NEMF: variants seen among roughly 807,000 people sequenced by gnomAD.
NEMF encodes ribosome quality control complex subunit NEMF.
In NEMF, 89 loss-of-function variants were observed where a neutral mutation model predicts 162.2. The ratio of observed to expected loss-of-function variants is 0.55; its 90% CI spans 0.46 to 0.65. The LOEUF is 0.65. NEMF is among the 30% of genes least tolerant of loss of function. The probability of loss-of-function intolerance (pLI) is 0.00; values close to 1 mark genes in which losing one functional copy is unlikely to be tolerated. For missense variants in NEMF, 1,133 were observed against 1,261.9 expected (o/e 0.90, Z 1.55); for synonymous variants, 421 against 404.5 (o/e 1.04, Z -0.49).
rs1890056736 is a variant in NEMF at position 49,784,309 on chromosome 14, A to G, written c.*327T>C. On this transcript the variant is annotated 3_prime_UTR_variant, in exon 33 of 33. Transcript: ENST00000298310. Reference sequence around the variant, plus strand: ...ACCAAGTCAATAGTTTAAGCAATCAAGCCACTTCACTGTTCAGTTTCTTTA... The same window carrying G: ...ACCAAGTCAATAGTTTAAGCAATCAGGCCACTTCACTGTTCAGTTTCTTTA... The G allele has an allele frequency of 3.0e-5, 6 of 198,694 alleles. No individual in the cohort carries two copies. In the South Asian group the frequency reaches 7.8e-4, roughly 26 times the overall value. 12.3% of individuals were successfully genotyped at this position (198,694 alleles called of 1,614,324 possible). A position where few individuals can be genotyped will look rare whatever the true frequency, so the allele number is the denominator to read the frequency against.
At chr14:49,834,632 A>G (rs1223991749) in intron 6 of NEMF, among the ~76,000 whole-genome samples, 183 bp from the exon 7 acceptor site, 3 of 151,960 alleles carry the variant, frequency 2.0e-5, no homozygotes, top group African/African-American at 7.2e-5. Context: ...ACAAGCACCC[A>G]CCACCATGCC....
chr14:49,820,167 G>A (rs1049805383), intron 16 of NEMF: 1 of 259,468 alleles, frequency 3.9e-6, no homozygotes, highest in Admixed American at 5.3e-5. Context: ...GGCCAGGCTG[G>A]TCTCAAACTC....
chr14:49,843,839 C>T (rs1246792899), intron 4 of NEMF, among the ~76,000 whole-genome samples: 3 of 152,208 alleles, frequency 2.0e-5, no homozygotes, highest in Admixed American at 6.5e-5. Context: ...TGGCTCATGC[C>T]TGTGATCCCA....
At chr14:49,828,557 T>C (rs552235817) in intron 14 of NEMF, 59 bp downstream of exon 14, 1 of 1,352,484 alleles carries the variant, frequency 7.4e-7, no homozygotes, top group African/African-American at 1.5e-5. Flanking sequence ...AAAATGTCCT[T>C]AATTCCTTAA....
At chr14:49,852,256 C>T (rs1024404145) in intron 1 of NEMF, among the ~76,000 whole-genome samples, 8 of 152,222 alleles carry the variant, frequency 5.3e-5, no homozygotes, top group Non-Finnish European at 7.3e-5. Context: ...GAATCCAGAT[C>T]TCAGTCCAAA....
At position 49,838,869 on chromosome 14, in the gene NEMF, A is replaced by G. The variant is rs145896910; in HGVS notation, c.507-663T>C. 7.0e-3 allele frequency among the ~76,000 whole-genome samples: 1,056 copies of G among 151,344 alleles called. 12 individuals carry two copies. The highest frequency in any genetic ancestry group is 0.015 in the Admixed American group (227 of 15,196). On this transcript the variant is annotated intron_variant, in intron 5 of 32. Transcript: ENST00000298310. ...AAAGCGGTGGGATTACAGGCGTGAGACACCGTGCCCAGCCAGCATCTAACA... is the reference window on the plus strand; with the variant it reads ...AAAGCGGTGGGATTACAGGCGTGAGGCACCGTGCCCAGCCAGCATCTAACA...
chr14:49,842,417 TA>T (rs1279690211), intron 4 of NEMF, among the ~76,000 whole-genome samples: 24 of 152,068 alleles, frequency 1.6e-4, no homozygotes, highest in Admixed American at 1.5e-3. Flanking sequence ...ACCTTTTCAA[TA>T]AAAAAGAAGG....
At chr14:49,810,205 A>G (rs1891408171) in intron 18 of NEMF, among the ~76,000 whole-genome samples, 1 of 151,716 alleles carries the variant, frequency 6.6e-6, no homozygotes. Flanking sequence ...CGTCTCTACT[A>G]AAAATACAAA....
Position 49,844,685 on chromosome 14 carries a change from AAATTT to A in NEMF, c.357+1450_357+1454del, listed in dbSNP as rs558310610. On this transcript the variant is annotated intron_variant, in intron 4 of 32. Transcript: ENST00000298310. ...AATTATGCTTACCTCAGACCAGATT[AAATTT>A]ATGTATTTATTTATTTATATACATA... 7.0e-4 allele frequency: 121 copies of A among 172,488 alleles called. 2 individuals carry two copies. Among genetic ancestry groups the A allele is most frequent in the African/African-American group, 2.6e-3 (111 of 42,412 alleles). 10.7% of individuals were successfully genotyped at this position (172,488 alleles called of 1,614,324 possible).
chr14:49,817,805 A>G (rs1345360459), intron 16 of NEMF, among the ~76,000 whole-genome samples: 1 of 152,194 alleles, frequency 6.6e-6, no homozygotes, highest in Non-Finnish European at 1.5e-5. Context: ...AATAATTTGA[A>G]TCTGCAATGA....
rs762320543 is a variant in NEMF, at chr14:49,802,453, C to G, written c.2095G>C (p.Asp699His). Residue 699 changes from aspartate to histidine, a missense_variant and splice_region_variant, in exon 22 of 33, where the codon GAT becomes CAT. Asp to His is a moderately conservative substitution (Grantham distance 81). Coordinates refer to ENST00000298310, the MANE Select transcript of NEMF (RefSeq NM_004713.6). ...TAATTTCTTAAAATCTATAAACTAC[C>G]TAATTGTTCCATTTCTTCTGATATG... Reference protein sequence around the residue: ...ELISEEMEQLDGGDTSSDEDK... With the variant: ...ELISEEMEQLHGGDTSSDEDK... 6.2e-7 allele frequency: 1 copy of G among 1,612,514 alleles called. No homozygotes were observed. The highest frequency in any genetic ancestry group is 8.5e-7 in the Non-Finnish European group (1 of 1,179,464).
intron 16 of NEMF, among the ~76,000 whole-genome samples, chr14:49,822,779 G>T (rs1594774095): frequency 1.3e-5 from 2 of 151,138 alleles, no homozygotes; most frequent in African/African-American, 4.9e-5. Flanking sequence ...ATAGATTGTG[G>T]AAAGCCTACT....
intron 8 of NEMF, among the ~76,000 whole-genome samples, chr14:49,833,030 C>G (rs1478310261): frequency 6.6e-6 from 1 of 152,164 alleles, no homozygotes; most frequent in African/African-American, 2.4e-5. Context: ...CTTTGGGAGG[C>G]CAAGGCAGGC....
intron 16 of NEMF, among the ~76,000 whole-genome samples, chr14:49,823,395 G>T (rs1417621602): frequency 6.6e-6 from 1 of 151,006 alleles, no homozygotes; most frequent in Non-Finnish European, 1.5e-5. Context: ...TTTTAAAAAG[G>T]GTATATTCCA....
chr14:49,826,085 C>G (rs927179483), intron 15 of NEMF, 130 bp from the exon 16 acceptor site: 3 of 565,438 alleles, frequency 5.3e-6, no homozygotes, highest in Admixed American at 6.5e-5. Context: ...CACACAAACA[C>G]ACACACACAC....
At chr14:49,831,900 C>A in intron 10 of NEMF, 151 bp downstream of exon 10, 1 of 578,944 alleles carries the variant, frequency 1.7e-6, no homozygotes, top group Non-Finnish European at 3.1e-6. Context: ...TTATTTCCAA[C>A]AGCTGTATCT....
chr14:49,802,696 T>C lies in NEMF; in HGVS notation c.1947A>G (p.Leu649=), dbSNP rs200442405. 202 of 1,611,968 alleles carry C rather than the reference T, an allele frequency of 1.3e-4. 1 individual carries two copies. In the South Asian group the frequency reaches 1.6e-3, roughly 13 times the overall value. Residue 649 remains leucine, a synonymous_variant, in exon 21 of 33, where the codon CTA becomes CTG. Transcript: ENST00000298310. ...TAAAAAGGAAGCTAAACCCCATCAT[T>C]AGATATGAGGGAGGAAGAAAATTCT... ...GKKNFLPPSY[L]MMGFSFLFKV...
chr14:49,805,893 C>G (rs1239731664), intron 19 of NEMF, 128 bp downstream of exon 19: 11 of 508,236 alleles, frequency 2.2e-5, no homozygotes, highest in Non-Finnish European at 3.2e-5. Context: ...ACATTATGTA[C>G]ATATTTTCCT....
At chr14:49,794,619 TA>T (rs397852715) in intron 26 of NEMF, among the ~76,000 whole-genome samples, 2,985 of 90,344 alleles carry the variant, frequency 0.033, 97 homozygotes, top group African/African-American at 0.1. Flanking sequence ...ACCCTGTCTC[TA>T]AAAAAAAAAA....
Sources: gnomAD v4.1 joint callset for allele counts (sites outside exome capture counted in the v4.1 genomes callset) on GRCh38, gnomAD v4.1.1 for gene constraint, MANE v1.5 for transcripts, NCBI Gene and HGNC (gene_info 2026-07-23, HGNC 2026-07-21) for gene names.